Variants in UBE4B observed in about 807,000 individuals in gnomAD.
UBE4B encodes the protein ubiquitination factor E4B.
Under a neutral mutation model 148.1 loss-of-function variants are expected in UBE4B, and 27 were observed. The ratio of observed to expected loss-of-function variants is 0.18; its 90% confidence interval spans 0.13 to 0.25. The LOEUF is 0.25. Ranked by LOEUF, UBE4B falls within the 10% of genes least tolerant of loss-of-function variation. The probability of loss-of-function intolerance (pLI) is 1.00; values close to 1 mark genes in which losing one functional copy is unlikely to be tolerated. For synonymous variants in UBE4B, 596 were observed against 619.3 expected (o/e 0.96, Z 0.56); for missense variants, 1,170 against 1,662.4 (o/e 0.70, Z 5.15).
chr1:10,036,502 CTT>C (rs369471209), intron 1 of UBE4B, among the ~76,000 whole-genome samples: 1 of 144,392 alleles, frequency 6.9e-6, no homozygotes, highest in African/African-American at 2.5e-5. Flanking sequence ...TTTAAAAAAT[CTT>C]TTTTTTTTTT....
At chr1:10,144,498 G>A (rs1645835546) in intron 17 of UBE4B, among the ~76,000 whole-genome samples, 1 of 152,124 alleles carries the variant, frequency 6.6e-6, no homozygotes, top group East Asian at 1.9e-4. Flanking sequence ...CACTTTGGGA[G>A]GCTGGGGCAG....
At chr1:10,150,198 C>G (rs1164782149) in intron 20 of UBE4B, among the ~76,000 whole-genome samples, 1 of 152,116 alleles carries the variant, frequency 6.6e-6, no homozygotes, top group Admixed American at 6.6e-5. Flanking sequence ...CCACTACACT[C>G]CAACCTGGGC....
At chr1:10,116,061 T>C (rs531101161) in intron 7 of UBE4B, among the ~76,000 whole-genome samples, 1 of 152,360 alleles carries the variant, frequency 6.6e-6, no homozygotes, top group African/African-American at 2.4e-5. Context: ...CAATTCCTCT[T>C]GGTCCTGTTA....
At chr1:10,066,210 G>A (rs1049713578) in intron 1 of UBE4B, among the ~76,000 whole-genome samples, 4 of 151,564 alleles carry the variant, frequency 2.6e-5, no homozygotes, top group Non-Finnish European at 5.9e-5. Context: ...ATCATAGCTC[G>A]CTTCAGCCTT....
intron 21 of UBE4B, among the ~76,000 whole-genome samples, chr1:10,157,703 C>T (rs866799231): frequency 2.4e-4 from 37 of 151,862 alleles, no homozygotes; most frequent in African/African-American, 9.0e-4. Context: ...GCTTGAACCC[C>T]GAGGCAGAGG....
intron 7 of UBE4B, among the ~76,000 whole-genome samples, chr1:10,109,634 G>A (rs147020193): frequency 1.8e-3 from 269 of 151,850 alleles, no homozygotes; most frequent in Middle Eastern, 0.01. Flanking sequence ...GAGCCAAGAT[G>A]AGCTAGCAAA....
chr1:10,161,437 G>T lies in UBE4B; in HGVS notation c.3198+151G>T. On this transcript the variant is annotated intron_variant, in intron 23 of 27. Coordinates refer to ENST00000343090, the MANE Select transcript of UBE4B (RefSeq NM_001105562.3). The surrounding 1 kb of genome is among the most constrained non-coding windows in gnomAD (Gnocchi z 4.1). ...TCCATGAAATCATATTGCAGGATTG[G>T]AATAGGAAAATTCTTAAATACCTTA... 1 of 970,686 alleles carries T rather than the reference G, an allele frequency of 1.0e-6. No homozygotes were observed. 60.1% of individuals were successfully genotyped at this position (970,686 alleles called of 1,614,324 possible).
Position 10,161,166 on chromosome 1 carries a change from TATAAACA to T in UBE4B, c.3079_3085del (p.Ile1027CysfsTer2). Reference sequence around the variant, plus strand: ...GCTCCGGGAAGCAGTTTGTTCGCTATATAAACATGTTGATAAACGACACGACGTTTTT... The same window carrying T: ...GCTCCGGGAAGCAGTTTGTTCGCTATTGTTGATAAACGACACGACGTTTTT... On this transcript the variant is annotated frameshift_variant, in exon 23 of 28. Transcript: ENST00000343090. LOFTEE classifies it high-confidence loss of function. This position sits in a 1 kb window ranked among gnomAD's most constrained non-coding sequence, Gnocchi z 4.1. 6.2e-7 allele frequency: 1 copy of T among 1,614,146 alleles called. No homozygotes were observed. The highest frequency in any genetic ancestry group is 8.5e-7 in the Non-Finnish European group (1 of 1,180,028).
intron 1 of UBE4B, among the ~76,000 whole-genome samples, chr1:10,070,376 T>C (rs562500097): frequency 1.9e-4 from 28 of 151,276 alleles, no homozygotes; most frequent in Non-Finnish European, 3.7e-4. Flanking sequence ...CTCATAGTTG[T>C]AAGTATACAA....
intron 11 of UBE4B, 58 bp from the exon 12 acceptor site, chr1:10,129,334 A>G (rs968363891): frequency 4.6e-6 from 7 of 1,523,818 alleles, no homozygotes; most frequent in Non-Finnish European, 6.3e-6. Flanking sequence ...TCTTTATGCT[A>G]CAAATGACAG....
At position 10,074,061 on chromosome 1, in the gene UBE4B, C is replaced by T. The variant is rs144515212; in HGVS notation, c.211+1847C>T. Among the ~76,000 whole-genome samples the T allele has an allele frequency of 7.9e-5, 12 of 151,410 alleles. No individual in the cohort carries two copies. The East Asian group carries it at 2.3e-3, about 30-fold the overall frequency. On this transcript the variant is annotated intron_variant, in intron 2 of 27. Transcript: ENST00000343090. ...TCAGATGATCCGTCTGCTTCAGTCT[C>T]TCATGTAGCTGGGACTATAGGCATG...
intron 18 of UBE4B, chr1:10,145,611 G>GACA (rs1288987185): frequency 6.6e-6 from 1 of 150,856 alleles, no homozygotes; most frequent in Non-Finnish European, 1.5e-5. Context: ...AAAAAAAAAA[G>GACA]ACAACAACAA....
In UBE4B at chr1:10,135,693, G is replaced by A. The variant is rs548476944; in HGVS notation, c.2224+507G>A. Among the ~76,000 whole-genome samples, 6 of 147,114 alleles carry A rather than the reference G, an allele frequency of 4.1e-5. No individual in the cohort carries two copies. In the South Asian group the frequency reaches 8.5e-4, roughly 21 times the overall value. On this transcript the variant is annotated intron_variant, in intron 16 of 27. Transcript: ENST00000343090. Reference sequence around the variant, plus strand: ...TGAGCTTGCAGTGAGCCATGATCACGGCACTGCACTCCAGCCTGGGCAACA... The same window carrying A: ...TGAGCTTGCAGTGAGCCATGATCACAGCACTGCACTCCAGCCTGGGCAACA...
intron 2 of UBE4B, among the ~76,000 whole-genome samples, chr1:10,073,920 A>ATTT (rs947131085): frequency 1.6e-3 from 121 of 74,820 alleles, no homozygotes; most frequent in Non-Finnish European, 1.8e-3. Flanking sequence ...CTTTCTTTCT[A>ATTT]TTTTTTTTTT....
intron 2 of UBE4B, chr1:10,072,851 T>C: frequency 6.1e-6 from 1 of 165,262 alleles, no homozygotes; most frequent in Admixed American, 6.3e-5. Flanking sequence ...CATATAATAA[T>C]AATTACTATT....
Position 10,168,764 on chromosome 1 carries a change from C to T in UBE4B, c.3333+494C>T, listed in dbSNP as rs976036646. Among the ~76,000 whole-genome samples, 4 of 151,926 alleles carry T rather than the reference C, an allele frequency of 2.6e-5. No homozygotes were observed. Among genetic ancestry groups the T allele is most frequent in the African/African-American group, 9.7e-5 (4 of 41,364 alleles). ...AAAATTAGCTGGGCGTGGTGGTGGG[C>T]ACCTGTAGTCCCAGCTACTCAGGAG... is the stretch of plus-strand genomic sequence containing the variant. On this transcript the variant is annotated intron_variant, in intron 24 of 27. Transcript: ENST00000343090. The surrounding 1 kb of genome is among the most constrained non-coding windows in gnomAD (Gnocchi z 4.9).
In UBE4B at chr1:10,148,648, T is replaced by C. The variant is rs908520773; in HGVS notation, c.2592-536T>C. On this transcript the variant is annotated intron_variant, in intron 19 of 27. Transcript: ENST00000343090. ...CTCTGTCTCAAAAAAAAAAAAAAAA[T>C]CAAGAAAAGGGCCAGGTGTGGTGGC... Among the ~76,000 whole-genome samples, 102 of 101,756 alleles carry C rather than the reference T, an allele frequency of 1.0e-3. 1 individual carries two copies. Among genetic ancestry groups the C allele is most frequent in the African/African-American group, 4.0e-3 (100 of 25,150 alleles). 66.8% of individuals were successfully genotyped at this position (101,756 alleles called of 152,430 possible). A position where few individuals can be genotyped will look rare whatever the true frequency, so the allele number is the denominator to read the frequency against.
intron 25 of UBE4B, among the ~76,000 whole-genome samples, chr1:10,173,494 ATT>A (rs1646368634): frequency 6.6e-6 from 1 of 150,572 alleles, no homozygotes; most frequent in Admixed American, 6.6e-5. Context: ...AAAAAAAAAA[ATT>A]ATATATATAT....
At chr1:10,164,094 A>G (rs1571014359) in intron 23 of UBE4B, among the ~76,000 whole-genome samples, 1 of 151,806 alleles carries the variant, frequency 6.6e-6, no homozygotes, top group East Asian at 2.0e-4. Flanking sequence ...TAATATCAGC[A>G]CTTTGGGAGG....
Sources: allele counts gnomAD v4.1 joint callset (sites outside exome capture counted in the v4.1 genomes callset), GRCh38; gene constraint gnomAD v4.1.1; non-coding constraint Gnocchi (gnomAD v3.1); transcripts MANE v1.5; gene names NCBI Gene and HGNC (gene_info 2026-07-23, HGNC 2026-07-21).